The following CELF2 variants were observed in gnomAD, a reference collection of about 807,000 sequenced individuals.
CELF2 encodes CUGBP Elav-like family member 2, also known as CUG triplet repeat RNA-binding protein 2.
In CELF2, 8 loss-of-function variants were observed where a neutral mutation model predicts 62.6. That is an observed-to-expected ratio of 0.13 (90% CI 0.07 to 0.23). CELF2 has a LOEUF of 0.23. Ranked by LOEUF, CELF2 falls within the 10% of genes least tolerant of loss-of-function variation. The pLI is 1.00. For synonymous variants in CELF2, 258 were observed against 250.0 expected (o/e 1.03, Z -0.30); for missense variants, 333 against 671.0 (o/e 0.50, Z 5.56).
the CELF2 span, among the ~76,000 whole-genome samples, chr10:10,717,167 C>T: frequency 6.6e-6 from 1 of 152,054 alleles, no homozygotes; most frequent in Non-Finnish European, 1.5e-5. Flanking sequence ...AAAAAAGATA[C>T]AAATGGTGAT....
At chr10:10,838,770 T>C (rs577416987) in intron 1 of CELF2, among the ~76,000 whole-genome samples, 11 of 152,286 alleles carry the variant, frequency 7.2e-5, no homozygotes, top group Non-Finnish European at 1.5e-4. Flanking sequence ...AAAAACAAGA[T>C]ATTTTATGTA....
the CELF2 span, among the ~76,000 whole-genome samples, chr10:10,648,212 A>G: frequency 6.6e-6 from 1 of 152,214 alleles, no homozygotes; most frequent in African/African-American, 2.4e-5. Context: ...CCCAGGACTC[A>G]GCTCTTGGAT....
At chr10:11,104,263 A>C (rs770365698) in intron 1 of CELF2, among the ~76,000 whole-genome samples, 1 of 152,228 alleles carries the variant, frequency 6.6e-6, no homozygotes, top group Non-Finnish European at 1.5e-5. Context: ...AATCTATTAT[A>C]ATCCTCTATC....
chr10:11,249,103 T>C (rs1380381964), intron 3 of CELF2, 50 bp from the exon 4 acceptor site: 1 of 1,472,156 alleles, frequency 6.8e-7, no homozygotes, highest in Non-Finnish European at 9.5e-7. Flanking sequence ...TCTGAGATGA[T>C]TTTTACAGTT....
intron 1 of CELF2, among the ~76,000 whole-genome samples, chr10:10,820,799 C>T (rs1365850001): frequency 1.3e-5 from 2 of 152,194 alleles, no homozygotes; most frequent in East Asian, 3.9e-4. Flanking sequence ...TTTGTTCTCT[C>T]ATTGTAAGAG....
Position 11,052,554 on chromosome 10 carries a change from C to T in CELF2, c.74+34391C>T, listed in dbSNP as rs897596992. ...AACTTTTGTCCTGTTCAGAACCAAG[C>T]AGTTCCGTATTGAAAAATGAAAAGC... is the stretch of plus-strand genomic sequence containing the variant. On this transcript the variant is annotated intron_variant, in intron 1 of 12. Transcript: ENST00000633077. Among the ~76,000 whole-genome samples, 15 of 152,310 alleles carry T rather than the reference C, an allele frequency of 9.8e-5. No individual in the cohort carries two copies. The South Asian group carries it at 3.1e-3, about 32-fold the overall frequency.
chr10:11,063,965 G>GT (rs765297393), intron 1 of CELF2, among the ~76,000 whole-genome samples: 2 of 152,162 alleles, frequency 1.3e-5, no homozygotes, highest in Non-Finnish European at 2.9e-5. Context: ...GGAGTGTGCT[G>GT]TTTATCGGTG....
Position 11,217,328 on chromosome 10 carries a change from C to T in CELF2, c.272-97C>T, listed in dbSNP as rs977408257. On this transcript the variant is annotated intron_variant, in intron 2 of 12. Coordinates refer to ENST00000633077, the MANE Select transcript of CELF2 (RefSeq NM_001326342.2). The surrounding 1 kb of genome is among the most constrained non-coding windows in gnomAD (Gnocchi z 5.6). ...TATGCTTTATTATTTTTAAATTGTG[C>T]GTCCTTTTAAGTAGATTGTTTGTTC... The T allele has an allele frequency of 3.0e-5, 22 of 723,542 alleles. No homozygotes were observed. Among genetic ancestry groups the T allele is most frequent in the East Asian group, 8.3e-5 (3 of 36,226 alleles). 44.8% of individuals were successfully genotyped at this position (723,542 alleles called of 1,614,324 possible). A position where few individuals can be genotyped will look rare whatever the true frequency, so the allele number is the denominator to read the frequency against.
At chr10:10,809,824 A>C (rs977259083) in intron 1 of CELF2, among the ~76,000 whole-genome samples, 3 of 152,338 alleles carry the variant, frequency 2.0e-5, no homozygotes, top group African/African-American at 7.2e-5. Context: ...AATCTTAAAT[A>C]TCTAGAAAAT....
At chr10:11,240,552 T>G (rs965463675) in intron 3 of CELF2, among the ~76,000 whole-genome samples, 2 of 152,220 alleles carry the variant, frequency 1.3e-5, no homozygotes, top group African/African-American at 4.8e-5. Flanking sequence ...AGCTCTGTCC[T>G]TGTTAGTCGA....
At chr10:10,689,837 C>A in the CELF2 span, among the ~76,000 whole-genome samples, 1,070 of 152,310 alleles carry the variant, frequency 7.0e-3, 4 homozygotes, top group Non-Finnish European at 8.2e-3. Flanking sequence ...GAACAAAATT[C>A]TATATCTATA....
At chr10:10,662,869 A>G in the CELF2 span, among the ~76,000 whole-genome samples, 10 of 152,204 alleles carry the variant, frequency 6.6e-5, no homozygotes, top group East Asian at 1.9e-4. Flanking sequence ...AAATGCTTCC[A>G]TGGCAACTCA....
In CELF2 at chr10:11,018,062, G is replaced by A. The variant is rs770745822; in HGVS notation, c.-28G>A. On this transcript the variant is annotated 5_prime_UTR_variant, in exon 1 of 13. Coordinates refer to ENST00000633077, the MANE Select transcript of CELF2 (RefSeq NM_001326342.2). ...TCGGACGCGCGCAGAGCCGCCCCCC[G>A]CCGCTGCCGCCGCGTGCGCCCGCGA... 6.4e-6 allele frequency: 9 copies of A among 1,410,548 alleles called. No individual in the cohort carries two copies. The highest frequency in any genetic ancestry group is 7.5e-6 in the Non-Finnish European group (8 of 1,063,246). The allele number at this position is 1,410,548 out of a possible 1,614,324, so 87.4% of individuals were successfully genotyped here.
In CELF2 at chr10:11,159,788, C is replaced by T. The variant is rs1431223232; in HGVS notation, c.75-5698C>T. ...AGTCTTGGACAGTTTCCTGTAATAA[C>T]CAAACAAAGCCTGTTTCTTCGTGTG... On this transcript the variant is annotated intron_variant, in intron 1 of 12. Transcript: ENST00000633077. This position sits in a 1 kb window ranked among gnomAD's most constrained non-coding sequence, Gnocchi z 5.0. Among the ~76,000 whole-genome samples the T allele has an allele frequency of 6.6e-6, 1 of 152,218 alleles. No individual in the cohort carries two copies. Among genetic ancestry groups the T allele is most frequent in the Non-Finnish European group, 1.5e-5 (1 of 68,036 alleles).
Position 11,266,825 on chromosome 10 carries a change from CCTTCT to C in CELF2, c.618+151_618+155del, listed in dbSNP as rs1297673700. 5.5e-5 allele frequency: 29 copies of C among 523,584 alleles called. No homozygotes were observed. In the Admixed American group the frequency reaches 7.2e-4, roughly 13 times the overall value. The allele number at this position is 523,584 out of a possible 1,614,324, so 32.4% of individuals were successfully genotyped here. A position where few individuals can be genotyped will look rare whatever the true frequency, so the allele number is the denominator to read the frequency against. On this transcript the variant is annotated intron_variant, in intron 6 of 12. Transcript: ENST00000633077. Reference sequence around the variant, plus strand: ...TTTCATTCATTCATTCTCATTCTCTCCTTCTCTCTCTCTCTCTCTTTCTCTATGCA... The same window carrying C: ...TTTCATTCATTCATTCTCATTCTCTCCTCTCTCTCTCTCTTTCTCTATGCA...
the CELF2 span, among the ~76,000 whole-genome samples, chr10:10,732,640 C>T: frequency 2.0e-5 from 3 of 151,594 alleles, no homozygotes; most frequent in Non-Finnish European, 4.4e-5. Context: ...TCTCCTGCCT[C>T]AGCCTCCCAA....
At chr10:10,505,144 TA>T in the CELF2 span, among the ~76,000 whole-genome samples, 4 of 152,198 alleles carry the variant, frequency 2.6e-5, no homozygotes, top group African/African-American at 2.4e-5. Context: ...ATGAGACTAT[TA>T]AATTAATTAA....
the CELF2 span, among the ~76,000 whole-genome samples, chr10:10,784,180 C>T: frequency 6.6e-6 from 1 of 152,156 alleles, no homozygotes; most frequent in African/African-American, 2.4e-5. Context: ...CTCATTTATT[C>T]TGGTGCTGTG....
intron 1 of CELF2, among the ~76,000 whole-genome samples, chr10:10,866,856 G>T (rs1274255565): frequency 6.7e-6 from 1 of 148,302 alleles, no homozygotes; most frequent in Non-Finnish European, 1.5e-5. Context: ...TGAGGCAGAG[G>T]TTGCAGTGAG....
Sources: allele counts gnomAD v4.1 joint callset (sites outside exome capture counted in the v4.1 genomes callset), GRCh38; gene constraint gnomAD v4.1.1; non-coding constraint Gnocchi (gnomAD v3.1); transcripts MANE v1.5; gene names NCBI Gene and HGNC (gene_info 2026-07-23, HGNC 2026-07-21).